DNM3: variants seen among roughly 807,000 people sequenced by gnomAD.
DNM3 encodes dynamin 3.
A neutral mutation model predicts 101.6 loss-of-function variants in DNM3; 47 were observed. That is an observed-to-expected ratio of 0.46 (90% CI 0.37 to 0.59). DNM3 has a LOEUF of 0.59. Ranked by LOEUF, DNM3 falls within the 20% of genes least tolerant of loss-of-function variation. DNM3 has a pLI of 0.00. For synonymous variants in DNM3, 385 were observed against 387.9 expected, an observed-to-expected ratio of 0.99 and a Z score of 0.09; for missense variants, 849 against 1,085.7, an observed-to-expected ratio of 0.78 and a Z score of 3.06.
At chr1:172,382,992 C>T (rs567802519) in intron 18 of DNM3, among the ~76,000 whole-genome samples, 15 of 152,010 alleles carry the variant, frequency 9.9e-5, no homozygotes, top group Non-Finnish European at 2.1e-4. Flanking sequence ...AACTTTAATG[C>T]GTATGAAGTA....
At chr1:172,180,563 C>T (rs2059308789) in intron 14 of DNM3, among the ~76,000 whole-genome samples, 1 of 152,036 alleles carries the variant, frequency 6.6e-6, no homozygotes, top group Non-Finnish European at 1.5e-5. Flanking sequence ...TTAGGTAAAA[C>T]TTCTCAACAT....
chr1:171,887,256 A>G (rs946875233), intron 1 of DNM3, among the ~76,000 whole-genome samples: 41 of 152,218 alleles, frequency 2.7e-4, no homozygotes, highest in African/African-American at 9.7e-4. Flanking sequence ...AAAAGTAAGG[A>G]TATTGAGGTG....
At chr1:171,957,979 C>T (rs1220803826) in intron 2 of DNM3, among the ~76,000 whole-genome samples, 1 of 152,200 alleles carries the variant, frequency 6.6e-6, no homozygotes, top group East Asian at 1.9e-4. Flanking sequence ...TACCAATTTA[C>T]TGTATTAGTC....
At chr1:172,357,036 A>G (rs1168612723) in intron 17 of DNM3, among the ~76,000 whole-genome samples, 1 of 152,136 alleles carries the variant, frequency 6.6e-6, no homozygotes, top group Non-Finnish European at 1.5e-5. Context: ...TAATCCATAG[A>G]ATAAAATAAG....
intron 4 of DNM3, among the ~76,000 whole-genome samples, chr1:172,007,635 C>G (rs2046785364): frequency 6.6e-6 from 1 of 152,002 alleles, no homozygotes; most frequent in Admixed American, 6.6e-5. Flanking sequence ...TGATTATGCC[C>G]AATTTATCAA....
chr1:171,846,444 G>C (rs2124965864), intron 1 of DNM3, among the ~76,000 whole-genome samples: 1 of 152,278 alleles, frequency 6.6e-6, no homozygotes, highest in South Asian at 2.1e-4. Flanking sequence ...TGGAGGAATG[G>C]AAACTTAATG....
At chr1:171,859,375 A>G (rs1268882679) in intron 1 of DNM3, among the ~76,000 whole-genome samples, 1 of 152,100 alleles carries the variant, frequency 6.6e-6, no homozygotes, top group Admixed American at 6.6e-5. Flanking sequence ...TACTTACCAC[A>G]TTGTGTTAAA....
intron 1 of DNM3, among the ~76,000 whole-genome samples, chr1:171,905,015 C>T (rs1272857924): frequency 2.0e-5 from 3 of 152,188 alleles, no homozygotes; most frequent in South Asian, 4.1e-4. Context: ...GAGAGAAGAG[C>T]TCTTAGGCAT....
chr1:171,876,457 G>T (rs905829749), intron 1 of DNM3, among the ~76,000 whole-genome samples: 2 of 151,838 alleles, frequency 1.3e-5, no homozygotes, highest in African/African-American at 4.8e-5. Flanking sequence ...GCTACCTGTT[G>T]TGAAGCCTCC....
At chr1:171,978,189 G>A (rs1451726599) in intron 2 of DNM3, among the ~76,000 whole-genome samples, 2 of 152,080 alleles carry the variant, frequency 1.3e-5, no homozygotes, top group African/African-American at 4.8e-5. Context: ...AGTGGATGAA[G>A]ACAGACAATA....
chr1:172,047,128 T>C (rs1465250435), intron 9 of DNM3, among the ~76,000 whole-genome samples: 1 of 152,140 alleles, frequency 6.6e-6, no homozygotes, highest in Admixed American at 6.5e-5. Context: ...TTTTTTCCCA[T>C]TTGATTCCAT....
chr1:172,296,354 A>T (rs2064160059), intron 15 of DNM3, among the ~76,000 whole-genome samples: 3 of 152,232 alleles, frequency 2.0e-5, no homozygotes, highest in Admixed American at 2.0e-4. Flanking sequence ...GATGATTTTG[A>T]TTGCAGGCTC....
chr1:172,179,724 AT>A (rs2059277824), intron 14 of DNM3, among the ~76,000 whole-genome samples: 1 of 151,932 alleles, frequency 6.6e-6, no homozygotes, highest in East Asian at 1.9e-4. Flanking sequence ...AGATTCAATA[AT>A]TTTTAGATAT....
chr1:172,396,044 C>A (rs2069961353), intron 20 of DNM3, among the ~76,000 whole-genome samples: 1 of 152,248 alleles, frequency 6.6e-6, no homozygotes, highest in African/African-American at 2.4e-5. Flanking sequence ...GCCGTCTCCT[C>A]ATGGCACTTT....
chr1:172,160,942 T>C (rs1323170573), intron 14 of DNM3, among the ~76,000 whole-genome samples: 3 of 152,084 alleles, frequency 2.0e-5, no homozygotes, highest in South Asian at 2.1e-4. Flanking sequence ...GTACCACCAT[T>C]GTATATGCAG....
intron 15 of DNM3, among the ~76,000 whole-genome samples, chr1:172,290,888 A>C (rs1165835557): frequency 6.6e-6 from 1 of 152,138 alleles, no homozygotes; most frequent in African/African-American, 2.4e-5. Context: ...ACAAAAAGAG[A>C]TTAAGAAGCT....
chr1:172,339,405 C>A (rs2066589433), intron 17 of DNM3, among the ~76,000 whole-genome samples: 1 of 152,184 alleles, frequency 6.6e-6, no homozygotes. Flanking sequence ...TGTCAAACAC[C>A]TTTGCCCTTG....
intron 15 of DNM3, among the ~76,000 whole-genome samples, chr1:172,280,948 T>C (rs1346150347): frequency 6.6e-6 from 1 of 152,054 alleles, no homozygotes; most frequent in Non-Finnish European, 1.5e-5. Context: ...CATCTGGAGA[T>C]TGGAATATGG....
chr1:172,225,518 A>G (rs998905720), intron 14 of DNM3, among the ~76,000 whole-genome samples: 4 of 152,034 alleles, frequency 2.6e-5, no homozygotes, highest in African/African-American at 2.4e-5. Flanking sequence ...CTGAACTTCT[A>G]TCAATATTTT....
Sources: gnomAD v4.1 joint callset for allele counts (sites outside exome capture counted in the v4.1 genomes callset) on GRCh38, gnomAD v4.1.1 for gene constraint, MANE v1.5 for transcripts, NCBI Gene and HGNC (gene_info 2026-07-23, HGNC 2026-07-21) for gene names.